The following MEIS1 variants were observed in gnomAD, a reference collection of about 807,000 sequenced individuals.
MEIS1 encodes the protein Meis homeobox 1, also known as homeobox protein Meis1.
MEIS1 carries 5 observed loss-of-function variants against 50.8 expected under a neutral mutation model. That is an observed-to-expected ratio of 0.10 (90% CI 0.05 to 0.21). MEIS1 has a LOEUF of 0.21. Among genes scored for constraint, MEIS1 ranks in the 10% least tolerant of loss-of-function variants. The probability of loss-of-function intolerance (pLI) is 1.00; values close to 1 mark genes in which losing one functional copy is unlikely to be tolerated. For missense variants in MEIS1, 318 were observed against 517.3 expected (o/e 0.61, Z 3.74); for synonymous variants, 176 against 179.3 (o/e 0.98, Z 0.15).
chr2:66,567,212 A>G (rs1443839542), intron 9 of MEIS1, among the ~76,000 whole-genome samples: 1 of 152,160 alleles, frequency 6.6e-6, no homozygotes, highest in African/African-American at 2.4e-5. Flanking sequence ...GAAGTGTCCA[A>G]CTGTGGTAAA....
chr2:66,560,270 T>C (rs1411871823), intron 9 of MEIS1, among the ~76,000 whole-genome samples: 1 of 151,784 alleles, frequency 6.6e-6, no homozygotes, highest in African/African-American at 2.4e-5. Flanking sequence ...TGTCAACTAG[T>C]GATTGGTTCA....
intron 2 of MEIS1, 151 bp from the exon 3 acceptor site, chr2:66,439,692 G>A (rs774064211): frequency 1.3e-6 from 2 of 1,542,356 alleles, no homozygotes; most frequent in South Asian, 2.4e-5. Flanking sequence ...ACCTGGGTCT[G>A]GGGGAGGGGG....
intron 7 of MEIS1, among the ~76,000 whole-genome samples, chr2:66,477,590 G>A (rs1011998411): frequency 1.1e-4 from 17 of 152,280 alleles, no homozygotes; most frequent in South Asian, 4.1e-4. Flanking sequence ...CTCCGGCTCC[G>A]TGGAGACCAG....
In MEIS1 at chr2:66,573,206, T is replaced by C. The variant is rs989333227; in HGVS notation, c.*1998T>C. 1 of 152,208 alleles carries C rather than the reference T, an allele frequency of 6.6e-6. No individual in the cohort carries two copies. Among genetic ancestry groups the C allele is most frequent in the Non-Finnish European group, 1.5e-5 (1 of 68,038 alleles). The allele number at this position is 152,208 out of a possible 1,614,324, so 9.4% of individuals were successfully genotyped here. Reference sequence around the variant, plus strand: ...TGTTCTCATTGGATAAAACTGGTTATTAACCAATTTTCCAGAACAGCTGTA... The same window carrying C: ...TGTTCTCATTGGATAAAACTGGTTACTAACCAATTTTCCAGAACAGCTGTA... On this transcript the variant is annotated 3_prime_UTR_variant, in exon 13 of 13. Coordinates refer to ENST00000272369, the MANE Select transcript of MEIS1 (RefSeq NM_002398.3).
chr2:66,466,227 C>T (rs1672631923), intron 7 of MEIS1, among the ~76,000 whole-genome samples: 1 of 152,180 alleles, frequency 6.6e-6, no homozygotes, highest in Non-Finnish European at 1.5e-5. Flanking sequence ...TTCCCAATTA[C>T]TTAAATAAGG....
intron 7 of MEIS1, among the ~76,000 whole-genome samples, chr2:66,474,730 T>G (rs750792425): frequency 3.9e-5 from 6 of 152,186 alleles, no homozygotes; most frequent in Non-Finnish European, 8.8e-5. Context: ...TCTATTTGAT[T>G]AGTACAATTA....
At chr2:66,461,011 G>A (rs1048682431) in intron 6 of MEIS1, among the ~76,000 whole-genome samples, 39 of 152,190 alleles carry the variant, frequency 2.6e-4, no homozygotes, top group Non-Finnish European at 5.9e-5. Flanking sequence ...AAATGAGAAC[G>A]CAGCCATTGC....
intron 8 of MEIS1, among the ~76,000 whole-genome samples, chr2:66,534,904 A>G (rs886433033): frequency 2.6e-5 from 4 of 152,250 alleles, no homozygotes; most frequent in African/African-American, 9.6e-5. Flanking sequence ...TGGCATTACC[A>G]GTAAGATTAT....
intron 7 of MEIS1, among the ~76,000 whole-genome samples, chr2:66,471,272 A>G (rs544391171): frequency 1.3e-5 from 2 of 152,204 alleles, no homozygotes; most frequent in East Asian, 3.9e-4. Context: ...ATTTTTATTT[A>G]TGTGTGAATT....
At chr2:66,447,223 G>C (rs1371210099) in intron 6 of MEIS1, among the ~76,000 whole-genome samples, 1 of 152,138 alleles carries the variant, frequency 6.6e-6, no homozygotes, top group African/African-American at 2.4e-5. Context: ...CACAAACAGC[G>C]GGAGGCAGAA....
chr2:66,533,212 C>T (rs1424451766), intron 8 of MEIS1, among the ~76,000 whole-genome samples: 7 of 152,132 alleles, frequency 4.6e-5, no homozygotes, highest in Non-Finnish European at 4.4e-5. Context: ...GAAAGGTGGG[C>T]GAATTGCCAC....
chr2:66,502,228 A>G (rs1313331018), intron 7 of MEIS1, among the ~76,000 whole-genome samples: 1 of 152,182 alleles, frequency 6.6e-6, no homozygotes, highest in Admixed American at 6.5e-5. Context: ...TCAGAAACAC[A>G]TGGCTTCCCA....
intron 8 of MEIS1, among the ~76,000 whole-genome samples, chr2:66,524,933 C>G (rs1332278152): frequency 1.3e-5 from 2 of 152,048 alleles, no homozygotes; most frequent in Admixed American, 6.5e-5. Context: ...CTTGGCTGAG[C>G]ACAGTGGTTC....
intron 7 of MEIS1, among the ~76,000 whole-genome samples, chr2:66,477,584 G>A (rs180865557): frequency 3.8e-4 from 58 of 152,270 alleles, no homozygotes; most frequent in Admixed American, 9.1e-4. Context: ...AGAAGGCTCC[G>A]GCTCCGTGGA....
intron 7 of MEIS1, chr2:66,509,074 C>T (rs1256915919): frequency 6.4e-6 from 3 of 471,626 alleles, no homozygotes; most frequent in Non-Finnish European, 1.3e-5. Context: ...TCTCGAGAGA[C>T]CACATTGAGG....
At chr2:66,455,045 T>G (rs1672357832) in intron 6 of MEIS1, among the ~76,000 whole-genome samples, 1 of 152,160 alleles carries the variant, frequency 6.6e-6, no homozygotes, top group African/African-American at 2.4e-5. Flanking sequence ...TCAGTAAATA[T>G]AAGAATTTAT....
In MEIS1 at chr2:66,522,739, G is replaced by T. The variant is rs546220396; in HGVS notation, c.888+10445G>T. ...TGCCATGCATATGTGGCGAGGGTTTGTTGGGAAGAGGGAGGGGGAGAAAAA... is the reference window on the plus strand; with the variant it reads ...TGCCATGCATATGTGGCGAGGGTTTTTTGGGAAGAGGGAGGGGGAGAAAAA... On this transcript the variant is annotated intron_variant, in intron 8 of 12. Coordinates refer to ENST00000272369, the MANE Select transcript of MEIS1 (RefSeq NM_002398.3). 7.9e-5 allele frequency among the ~76,000 whole-genome samples: 12 copies of T among 152,312 alleles called. No homozygotes were observed. In the South Asian group the frequency reaches 2.1e-3, roughly 26 times the overall value.
intron 8 of MEIS1, among the ~76,000 whole-genome samples, chr2:66,513,500 T>G (rs1673883083): frequency 6.6e-6 from 1 of 152,008 alleles, no homozygotes; most frequent in African/African-American, 2.4e-5. Context: ...CTCCTCTGGA[T>G]AGAGGCTGTG....
At chr2:66,465,511 G>A (rs944391135) in intron 7 of MEIS1, among the ~76,000 whole-genome samples, 2 of 152,138 alleles carry the variant, frequency 1.3e-5, no homozygotes, top group African/African-American at 4.8e-5. Context: ...TTAAGGTGGT[G>A]TCAGCACTTT....
Sources: gnomAD v4.1 joint callset for allele counts (sites outside exome capture counted in the v4.1 genomes callset) on GRCh38, gnomAD v4.1.1 for gene constraint, MANE v1.5 for transcripts, NCBI Gene and HGNC (gene_info 2026-07-23, HGNC 2026-07-21) for gene names.